Variants in CSMD1 observed in about 807,000 individuals in gnomAD.
CSMD1 encodes the protein CUB and sushi domain-containing protein 1.
Under a neutral mutation model 417.5 loss-of-function variants are expected in CSMD1, and 213 were observed. The ratio of observed to expected loss-of-function variants is 0.51; its 90% CI spans 0.46 to 0.57. CSMD1 has a LOEUF of 0.57. Among genes scored for constraint, CSMD1 ranks in the 20% least tolerant of loss-of-function variants. The pLI is 0.00. For missense variants in CSMD1, 6,923 were observed against 4,529.7 expected, an observed-to-expected ratio of 1.53 and a Z score of -15.17; for synonymous variants, 2,862 against 1,736.8, an observed-to-expected ratio of 1.65 and a Z score of -16.11.
chr8:3,979,050 TTCC>T (rs1563277515), intron 5 of CSMD1, among the ~76,000 whole-genome samples: 3 of 152,178 alleles, frequency 2.0e-5, no homozygotes, highest in Non-Finnish European at 4.4e-5. Context: ...CACAAGAAGT[TTCC>T]TCCTTTCCTT....
chr8:3,372,832 G>A (rs190566324), intron 18 of CSMD1, among the ~76,000 whole-genome samples: 1 of 152,172 alleles, frequency 6.6e-6, no homozygotes, highest in East Asian at 1.9e-4. Flanking sequence ...ACAACTATGT[G>A]AGAACACCAG....
intron 5 of CSMD1, among the ~76,000 whole-genome samples, chr8:3,970,787 T>C (rs138880059): frequency 2.0e-5 from 3 of 152,280 alleles, no homozygotes; most frequent in Non-Finnish European, 2.9e-5. Flanking sequence ...AGTTTCACTC[T>C]TGTTACCCAG....
intron 2 of CSMD1, among the ~76,000 whole-genome samples, chr8:4,432,942 C>T (rs1315250789): frequency 6.6e-6 from 1 of 152,164 alleles, no homozygotes; most frequent in African/African-American, 2.4e-5. Flanking sequence ...CAGCTGCTCC[C>T]CATGGCTCAC....
At chr8:3,389,089 G>A (rs1372244956) in intron 17 of CSMD1, among the ~76,000 whole-genome samples, 1 of 152,190 alleles carries the variant, frequency 6.6e-6, no homozygotes, top group Non-Finnish European at 1.5e-5. Flanking sequence ...ACCCAGTGCT[G>A]GGTGAATGAT....
chr8:4,886,544 T>G (rs1414536356), intron 1 of CSMD1, among the ~76,000 whole-genome samples: 1 of 151,992 alleles, frequency 6.6e-6, no homozygotes, highest in Non-Finnish European at 1.5e-5. Context: ...CCTTCTCTTT[T>G]ATTTTTTGAA....
At position 3,560,572 on chromosome 8, in the gene CSMD1, T is replaced by C. The variant is rs560171404; in HGVS notation, c.1344+14373A>G. Among the ~76,000 whole-genome samples the C allele has an allele frequency of 5.3e-5, 8 of 152,048 alleles. No individual in the cohort carries two copies. In the South Asian group the frequency reaches 1.5e-3, roughly 28 times the overall value. On this transcript the variant is annotated intron_variant, in intron 10 of 69. Coordinates refer to ENST00000635120, the MANE Select transcript of CSMD1 (RefSeq NM_033225.6). ...TCTGAGTTATAAATGACTCTTAAAA[T>C]GAATGGGAGAGGAAGAAGGAATGGA...
chr8:3,128,513 C>T (rs1239892578), intron 41 of CSMD1: 1 of 256,642 alleles, frequency 3.9e-6, no homozygotes, highest in Admixed American at 5.1e-5. Flanking sequence ...TATGCATCTT[C>T]TTAGGAGTTA....
intron 5 of CSMD1, among the ~76,000 whole-genome samples, chr8:3,805,125 T>C (rs1398007761): frequency 6.6e-6 from 1 of 152,152 alleles, no homozygotes; most frequent in African/African-American, 2.4e-5. Context: ...GGGTCTAGAA[T>C]TGCCTCAGAT....
chr8:4,166,989 C>G (rs1429790776), intron 3 of CSMD1, among the ~76,000 whole-genome samples: 3 of 152,122 alleles, frequency 2.0e-5, no homozygotes, highest in African/African-American at 4.8e-5. Context: ...TTCTGCCTGC[C>G]CCTGTGCTGG....
At chr8:3,376,054 T>A (rs192653784) in intron 18 of CSMD1, among the ~76,000 whole-genome samples, 130 of 152,194 alleles carry the variant, frequency 8.5e-4, no homozygotes, top group Admixed American at 4.8e-3. Flanking sequence ...ACTTACTTCA[T>A]TGTGTGATTT....
intron 1 of CSMD1, among the ~76,000 whole-genome samples, chr8:4,802,852 G>A (rs1028704499): frequency 3.3e-5 from 5 of 152,164 alleles, no homozygotes; most frequent in African/African-American, 1.2e-4. Context: ...AATATAGTAT[G>A]TCCTTAGAGA....
At chr8:4,747,928 T>C (rs1332023028) in intron 1 of CSMD1, among the ~76,000 whole-genome samples, 1 of 152,204 alleles carries the variant, frequency 6.6e-6, no homozygotes, top group Non-Finnish European at 1.5e-5. Flanking sequence ...AATACACTAT[T>C]TATTGCAGAA....
chr8:2,957,406 A>T (rs763923121), intron 63 of CSMD1, among the ~76,000 whole-genome samples: 5 of 152,090 alleles, frequency 3.3e-5, no homozygotes, highest in Non-Finnish European at 7.4e-5. Flanking sequence ...AGTGCCTGAG[A>T]ATCTCCTGGA....
At chr8:3,637,189 G>A (rs557670101) in intron 7 of CSMD1, among the ~76,000 whole-genome samples, 4 of 152,154 alleles carry the variant, frequency 2.6e-5, no homozygotes, top group Non-Finnish European at 4.4e-5. Flanking sequence ...GTTTAACACA[G>A]TTTTTAAGCT....
intron 10 of CSMD1, among the ~76,000 whole-genome samples, chr8:3,518,336 C>T (rs944262614): frequency 6.6e-6 from 1 of 152,120 alleles, no homozygotes; most frequent in Non-Finnish European, 1.5e-5. Context: ...AGCTTAAATG[C>T]AAACCTGCGT....
chr8:4,882,545 C>T (rs1048925183), intron 1 of CSMD1, among the ~76,000 whole-genome samples: 1 of 151,644 alleles, frequency 6.6e-6, no homozygotes, highest in African/African-American at 2.4e-5. Flanking sequence ...TGTCCGTGGC[C>T]TCTGCTGAGG....
chr8:3,287,716 G>T (rs1471819319), intron 25 of CSMD1, among the ~76,000 whole-genome samples: 2 of 152,110 alleles, frequency 1.3e-5, no homozygotes, highest in Non-Finnish European at 2.9e-5. Flanking sequence ...AGACGATGGG[G>T]TTTTCTCCAT....
chr8:4,659,400 A>G (rs1033388893), intron 1 of CSMD1, among the ~76,000 whole-genome samples: 12 of 152,194 alleles, frequency 7.9e-5, no homozygotes, highest in African/African-American at 2.9e-4. Flanking sequence ...CAGAACAGCA[A>G]AACAATAGAA....
At chr8:4,778,219 T>C (rs183560025) in intron 1 of CSMD1, among the ~76,000 whole-genome samples, 1 of 152,198 alleles carries the variant, frequency 6.6e-6, no homozygotes, top group Non-Finnish European at 1.5e-5. Flanking sequence ...TATTCAGATT[T>C]GCAATTATTA....
Sources: allele counts gnomAD v4.1 joint callset (sites outside exome capture counted in the v4.1 genomes callset), GRCh38; gene constraint gnomAD v4.1.1; transcripts MANE v1.5; gene names NCBI Gene and HGNC (gene_info 2026-07-23, HGNC 2026-07-21).